The following CHN2 variants were observed in gnomAD, a reference collection of about 807,000 sequenced individuals.
CHN2 encodes the protein beta-chimaerin.
A neutral mutation model predicts 56.3 loss-of-function variants in CHN2; 35 were observed. The observed-to-expected ratio is 0.62, with a 90% CI of 0.47 to 0.82. The LOEUF (loss-of-function observed/expected upper bound fraction) is 0.82. Among genes scored for constraint, CHN2 ranks in the 40% least tolerant of loss-of-function variants. The pLI is 0.00. For synonymous variants in CHN2, 210 were observed against 212.8 expected (o/e 0.99, Z 0.12); for missense variants, 491 against 580.5 (o/e 0.85, Z 1.58).
At chr7:29,252,397 C>G (rs1204892367) in intron 1 of CHN2, among the ~76,000 whole-genome samples, 1 of 150,658 alleles carries the variant, frequency 6.6e-6, no homozygotes, top group Non-Finnish European at 1.5e-5. Flanking sequence ...ACCGTGTTAG[C>G]CAGGATGGTC....
chr7:29,485,110 G>A (rs1787809323), intron 7 of CHN2, among the ~76,000 whole-genome samples: 1 of 152,122 alleles, frequency 6.6e-6, no homozygotes, highest in Non-Finnish European at 1.5e-5. Context: ...TAAAATAGCT[G>A]GTGAGCTTCC....
intron 2 of CHN2, among the ~76,000 whole-genome samples, chr7:29,153,335 C>A (rs1793871846): frequency 6.6e-6 from 1 of 152,140 alleles, no homozygotes; most frequent in Non-Finnish European, 1.5e-5. Context: ...TGTGTTTCAA[C>A]TACACAAGTC....
chr7:29,400,775 A>G lies in CHN2; in HGVS notation c.523A>G (p.Asn175Asp), dbSNP rs75771186. ...ATCCAGAAGGCTGAGCAGGTCTAAAAATGAACCAAGAAAAACAAACGTCAC... is the reference window on the plus strand; with the variant it reads ...ATCCAGAAGGCTGAGCAGGTCTAAAGATGAACCAAGAAAAACAAACGTCAC... ...KVSRRLSRSK[N>D]EPRKTNVTHE... Residue 175 changes from asparagine to aspartate, a missense_variant, in exon 6 of 13, where the codon AAT becomes GAT. Physicochemically the swap from Asn to Asp is conservative, Grantham distance 23 (BLOSUM62 1). Coordinates refer to ENST00000222792, the MANE Select transcript of CHN2 (RefSeq NM_004067.4). 1 of 1,614,134 alleles carries G rather than the reference A, an allele frequency of 6.2e-7. No individual in the cohort carries two copies. The highest frequency in any genetic ancestry group is 1.3e-5 in the African/African-American group (1 of 75,036).
intron 1 of CHN2, among the ~76,000 whole-genome samples, chr7:29,317,531 A>G (rs546828685): frequency 2.0e-5 from 3 of 152,354 alleles, no homozygotes; most frequent in African/African-American, 7.2e-5. Flanking sequence ...TGCATTTAGC[A>G]AAGTCTCCAG....
rs551093362 is a variant in CHN2, at chr7:29,400,320, C to T, written c.291-223C>T. 1.7e-4 allele frequency: 96 copies of T among 572,922 alleles called. No homozygotes were observed. In the South Asian group the frequency reaches 1.9e-3, roughly 11 times the overall value. The allele number at this position is 572,922 out of a possible 1,614,324, so 35.5% of individuals were successfully genotyped here. On this transcript the variant is annotated intron_variant, in intron 5 of 12. Coordinates refer to ENST00000222792, the MANE Select transcript of CHN2 (RefSeq NM_004067.4). ...CAGTCATATAAACTCAAGCAGGAAC[C>T]GCCATCTCTTCAAGCATCAGTTACC...
At chr7:29,404,464 T>G (rs1802470330) in intron 6 of CHN2, among the ~76,000 whole-genome samples, 1 of 152,218 alleles carries the variant, frequency 6.6e-6, no homozygotes, top group African/African-American at 2.4e-5. Flanking sequence ...TCCGTTTCAC[T>G]GTTCATTATA....
chr7:29,348,962 T>G (rs1797678561), intron 1 of CHN2, among the ~76,000 whole-genome samples: 1 of 152,194 alleles, frequency 6.6e-6, no homozygotes. Context: ...ATATTTACCT[T>G]TTCTTAAAAA....
At chr7:29,478,753 GC>G (rs1786825481) in intron 6 of CHN2, among the ~76,000 whole-genome samples, 2 of 152,204 alleles carry the variant, frequency 1.3e-5, no homozygotes, top group Non-Finnish European at 1.5e-5. Flanking sequence ...TGAGTTAAGT[GC>G]CTTTGACACA....
intron 1 of CHN2, among the ~76,000 whole-genome samples, chr7:29,240,788 C>T (rs1391793264): frequency 1.4e-5 from 2 of 144,686 alleles, no homozygotes; most frequent in African/African-American, 5.0e-5. Flanking sequence ...TCTTTTTCTT[C>T]TTCTTCTTCC....
intron 6 of CHN2, among the ~76,000 whole-genome samples, chr7:29,436,710 A>G (rs1307862653): frequency 6.6e-6 from 1 of 152,140 alleles, no homozygotes; most frequent in Non-Finnish European, 1.5e-5. Flanking sequence ...TAAGTTATTA[A>G]CCAATCATGT....
intron 8 of CHN2, among the ~76,000 whole-genome samples, chr7:29,496,355 A>G (rs1218575428): frequency 1.3e-5 from 2 of 152,182 alleles, no homozygotes; most frequent in African/African-American, 4.8e-5. Context: ...ATAGCTAGAA[A>G]AGCCATACTT....
chr7:29,184,619 G>A (rs546439325), intron 2 of CHN2: 2 of 152,306 alleles, frequency 1.3e-5, no homozygotes, highest in African/African-American at 4.8e-5. Context: ...TCTCAAGGGA[G>A]GGTCAGCCTT....
chr7:29,437,307 A>T (rs541963145), intron 6 of CHN2, among the ~76,000 whole-genome samples: 1 of 138,540 alleles, frequency 7.2e-6, no homozygotes, highest in Admixed American at 7.0e-5. Context: ...CATTTAAGAT[A>T]TCTAAAACCG....
At chr7:29,364,567 T>G (rs1798997848) in intron 2 of CHN2, among the ~76,000 whole-genome samples, 1 of 152,148 alleles carries the variant, frequency 6.6e-6, no homozygotes, top group Non-Finnish European at 1.5e-5. Flanking sequence ...AAAAAGCAGC[T>G]TAGTAGTTTT....
At chr7:29,325,374 T>C (rs886856393) in intron 1 of CHN2, among the ~76,000 whole-genome samples, 3 of 152,194 alleles carry the variant, frequency 2.0e-5, no homozygotes, top group Non-Finnish European at 2.9e-5. Flanking sequence ...GTCTGCTTTC[T>C]TTGTTTTGTC....
At chr7:29,325,273 C>CT (rs1245983302) in intron 1 of CHN2, among the ~76,000 whole-genome samples, 14 of 152,326 alleles carry the variant, frequency 9.2e-5, no homozygotes, top group Admixed American at 9.1e-4. Context: ...TGATTTTCCT[C>CT]TAAGCCCATG....
chr7:29,354,897 G>A (rs1398197005), intron 2 of CHN2, among the ~76,000 whole-genome samples: 1 of 151,564 alleles, frequency 6.6e-6, no homozygotes, highest in African/African-American at 2.4e-5. Context: ...TAGAAAAGAG[G>A]GGTGGACTTT....
At chr7:29,485,814 C>T (rs1787907342) in intron 7 of CHN2, among the ~76,000 whole-genome samples, 1 of 152,088 alleles carries the variant, frequency 6.6e-6, no homozygotes, top group South Asian at 2.1e-4. Flanking sequence ...TGAGCAGGCC[C>T]TTCCCCCACT....
At chr7:29,427,684 G>A (rs1343877380) in intron 6 of CHN2, among the ~76,000 whole-genome samples, 1 of 129,750 alleles carries the variant, frequency 7.7e-6, no homozygotes, top group Non-Finnish European at 1.6e-5. Context: ...TTGAGATAGA[G>A]TCTCACTCTG....
Sources: allele counts gnomAD v4.1 joint callset (sites outside exome capture counted in the v4.1 genomes callset), GRCh38; gene constraint gnomAD v4.1.1; transcripts MANE v1.5; gene names NCBI Gene and HGNC (gene_info 2026-07-23, HGNC 2026-07-21).